IFIH1: variants seen among roughly 807,000 people sequenced by gnomAD.
The protein encoded by IFIH1 is interferon-induced helicase C domain-containing protein 1.
IFIH1 carries 125 observed loss-of-function variants against 107.4 expected under a neutral mutation model. That is an observed-to-expected ratio of 1.16 (90% CI 1.01 to 1.35). IFIH1 has a LOEUF of 1.35. IFIH1 is among the 40% of genes most tolerant of loss of function. IFIH1 has a pLI of 0.00. For missense variants in IFIH1, 1,333 were observed against 1,213.7 expected, an observed-to-expected ratio of 1.10 and a Z score of -1.46; for synonymous variants, 458 against 413.2, an observed-to-expected ratio of 1.11 and a Z score of -1.31.
At chr2:162,314,093 A>G (rs1208038995) in intron 1 of IFIH1, among the ~76,000 whole-genome samples, 1 of 152,150 alleles carries the variant, frequency 6.6e-6, no homozygotes, top group Non-Finnish European at 1.5e-5. Flanking sequence ...GGAAATGTTT[A>G]TATGATCACT....
chr2:162,288,006 A>T (rs1213829449), intron 5 of IFIH1, 129 bp downstream of exon 5: 1 of 622,850 alleles, frequency 1.6e-6, no homozygotes, highest in Non-Finnish European at 2.8e-6. Flanking sequence ...GATAAAATAA[A>T]GAGCTTATTT....
Position 162,318,065 on chromosome 2 carries a change from C to G in IFIH1, c.243G>C (p.Glu81Asp). The G allele has an allele frequency of 6.2e-7, 1 of 1,614,180 alleles. No individual in the cohort carries two copies. The highest frequency in any genetic ancestry group is 1.1e-5 in the South Asian group (1 of 91,080). ...WHLGWTREFV[E>D]ALRRTGSPLA... ...GAGGGCTGCCGGTTCTCCGGAGGGC[C>G]TCCACGAATTCCCGAGTCCAACCAA... Residue 81 changes from glutamate to aspartate, a missense_variant, in exon 1 of 16, where the codon GAG becomes GAC. Physicochemically the swap from Glu to Asp is conservative, Grantham distance 45. Transcript: ENST00000649979.
At chr2:162,275,516 A>G (rs534481236) in intron 11 of IFIH1, among the ~76,000 whole-genome samples, 1 of 152,324 alleles carries the variant, frequency 6.6e-6, no homozygotes, top group East Asian at 1.9e-4. Flanking sequence ...TTACCCAAGG[A>G]AAACAGTACT....
chr2:162,277,394 A>G (rs759710654), intron 10 of IFIH1, 21 bp downstream of exon 10: 5 of 1,544,974 alleles, frequency 3.2e-6, no homozygotes, highest in Admixed American at 3.4e-5. Context: ...TGACACCAGT[A>G]TATGTTACTT....
intron 3 of IFIH1, among the ~76,000 whole-genome samples, chr2:162,297,866 A>G (rs144266308): frequency 3.9e-4 from 60 of 152,164 alleles, no homozygotes; most frequent in African/African-American, 1.3e-3. Context: ...AGTGCCTAAG[A>G]CCAGCCCAAA....
intron 10 of IFIH1, 99 bp downstream of exon 10, chr2:162,277,316 T>C: frequency 2.3e-6 from 2 of 863,456 alleles, no homozygotes; most frequent in Non-Finnish European, 3.6e-6. Context: ...ATTTCTTCTT[T>C]CAAAAGATAT....
intron 5 of IFIH1, among the ~76,000 whole-genome samples, chr2:162,284,756 ATAT>A (rs1419267258): frequency 6.6e-6 from 1 of 152,040 alleles, no homozygotes; most frequent in Non-Finnish European, 1.5e-5. Flanking sequence ...ATTAATTATC[ATAT>A]TATCAACATA....
intron 3 of IFIH1, among the ~76,000 whole-genome samples, chr2:162,304,669 C>T (rs1049703450): frequency 1.5e-4 from 23 of 151,960 alleles, no homozygotes; most frequent in African/African-American, 4.8e-4. Context: ...TGATAATTAA[C>T]AAAACAAAGA....
intron 11 of IFIH1, among the ~76,000 whole-genome samples, chr2:162,274,336 G>A (rs565320661): frequency 8.5e-5 from 13 of 152,270 alleles, no homozygotes; most frequent in African/African-American, 3.1e-4. Flanking sequence ...TTGCTATTTA[G>A]AGGATAAGAT....
intron 5 of IFIH1, among the ~76,000 whole-genome samples, chr2:162,284,000 A>G (rs1372794202): frequency 2.6e-5 from 4 of 151,678 alleles, no homozygotes; most frequent in Non-Finnish European, 4.4e-5. Context: ...TTTTCAAAGT[A>G]AAGTCTCTCT....
chr2:162,281,587 C>T, intron 6 of IFIH1, 42 bp from the exon 7 acceptor site: 1 of 1,407,438 alleles, frequency 7.1e-7, no homozygotes, highest in Non-Finnish European at 9.9e-7. Context: ...CATATCAGCA[C>T]ACTACAGTGA....
intron 8 of IFIH1, among the ~76,000 whole-genome samples, chr2:162,278,661 G>T (rs1576225437): frequency 6.6e-6 from 1 of 152,068 alleles, no homozygotes; most frequent in Non-Finnish European, 1.5e-5. Context: ...CAATTATTTA[G>T]AAAGCTTACA....
At position 162,310,754 on chromosome 2, in the gene IFIH1, A is replaced by T; in HGVS notation, c.622+11T>A. The T allele has an allele frequency of 6.2e-7, 1 of 1,610,664 alleles. No homozygotes were observed. The highest frequency in any genetic ancestry group is 8.5e-7 in the Non-Finnish European group (1 of 1,177,306). On this transcript the variant is annotated intron_variant, in intron 2 of 15. Transcript: ENST00000649979. ...AATTTGAAGAATCTTCCTCAGTAAAATTACAAATACCTGCATTGCTTTCTG... is the reference window on the plus strand; with the variant it reads ...AATTTGAAGAATCTTCCTCAGTAAATTTACAAATACCTGCATTGCTTTCTG...
chr2:162,318,353 C>A lies in IFIH1; in HGVS notation c.-46G>T. On this transcript the variant is annotated 5_prime_UTR_variant, in exon 1 of 16. Transcript: ENST00000649979. ...AGAGGGTTCTCCCAAGCAGATGGTG[C>A]TGTTGTCTGCGGGACAGGTGAAATG... 1 of 1,500,134 alleles carries A rather than the reference C, an allele frequency of 6.7e-7. No homozygotes were observed. The allele number at this position is 1,500,134 out of a possible 1,614,324, so 92.9% of individuals were successfully genotyped here. A position where few individuals can be genotyped will look rare whatever the true frequency, so the allele number is the denominator to read the frequency against.
At position 162,310,751 on chromosome 2, in the gene IFIH1, A is replaced by G; in HGVS notation, c.622+14T>C. The G allele has an allele frequency of 6.2e-7, 1 of 1,609,018 alleles. No homozygotes were observed. Among genetic ancestry groups the G allele is most frequent in the Middle Eastern group, 1.7e-4 (1 of 6,054 alleles). ...CAGAATTTGAAGAATCTTCCTCAGT[A>G]AAATTACAAATACCTGCATTGCTTT... On this transcript the variant is annotated intron_variant, in intron 2 of 15. Coordinates refer to ENST00000649979, the MANE Select transcript of IFIH1 (RefSeq NM_022168.4).
intron 10 of IFIH1, 67 bp from the exon 11 acceptor site, chr2:162,277,013 T>C (rs968662127): frequency 1.7e-6 from 2 of 1,160,976 alleles, no homozygotes; most frequent in East Asian, 2.4e-5. Context: ...TGTACAGATA[T>C]ATCAAACATT....
chr2:162,292,466 T>A (rs1422017495), intron 4 of IFIH1, among the ~76,000 whole-genome samples: 2 of 151,814 alleles, frequency 1.3e-5, no homozygotes, highest in Non-Finnish European at 2.9e-5. Context: ...GGAGTGTCAT[T>A]GTGATAAAAG....
intron 3 of IFIH1, among the ~76,000 whole-genome samples, chr2:162,301,454 T>TG (rs1558873463): frequency 6.6e-6 from 1 of 152,166 alleles, no homozygotes; most frequent in Non-Finnish European, 1.5e-5. Flanking sequence ...TAAAGAAGTT[T>TG]GGGGGGATTT....
intron 12 of IFIH1, among the ~76,000 whole-genome samples, chr2:162,272,627 C>T (rs1467507134): frequency 1.3e-5 from 2 of 152,102 alleles, no homozygotes; most frequent in African/African-American, 4.8e-5. Flanking sequence ...GATGGTTAGG[C>T]CTCAATGACA....
Sources: gnomAD v4.1 joint callset for allele counts (sites outside exome capture counted in the v4.1 genomes callset) on GRCh38, gnomAD v4.1.1 for gene constraint, MANE v1.5 for transcripts, NCBI Gene and HGNC (gene_info 2026-07-23, HGNC 2026-07-21) for gene names.